MXD4: variants seen among roughly 807,000 people sequenced by gnomAD.
The protein encoded by MXD4 is MAX dimerization protein 4.
MXD4 carries 16 observed loss-of-function variants against 24.5 expected under a neutral mutation model. The observed-to-expected ratio is 0.65, with a 90% CI of 0.44 to 0.99. The LOEUF (loss-of-function observed/expected upper bound fraction) is 0.99. Ranked by LOEUF, MXD4 falls within the 50% of genes least tolerant of loss-of-function variation. The pLI is 0.00. For synonymous variants in MXD4, 164 were observed against 134.2 expected (o/e 1.22, Z -1.54); for missense variants, 301 against 301.5 (o/e 1.00, Z 0.01).
chr4:2,259,045 T>G (rs569194898), intron 2 of MXD4: 5 of 443,394 alleles, frequency 1.1e-5, no homozygotes, highest in South Asian at 7.9e-5. Flanking sequence ...CTCCCGGGCC[T>G]CCCAGGATGC....
At chr4:2,251,836 C>G (rs537627336) in intron 4 of MXD4, among the ~76,000 whole-genome samples, 1 of 152,330 alleles carries the variant, frequency 6.6e-6, no homozygotes, top group Non-Finnish European at 1.5e-5. Context: ...AAGAGGCCCT[C>G]AGAGCAGATA....
In MXD4 at chr4:2,249,970, G is replaced by C. The variant is rs113371605; in HGVS notation, c.*574C>G. 6.5e-6 allele frequency: 1 copy of C among 154,102 alleles called. No homozygotes were observed. The highest frequency in any genetic ancestry group is 1.9e-4 in the East Asian group (1 of 5,194). 9.5% of individuals were successfully genotyped at this position (154,102 alleles called of 1,614,324 possible). On this transcript the variant is annotated 3_prime_UTR_variant, in exon 6 of 6. Coordinates refer to ENST00000337190, the MANE Select transcript of MXD4 (RefSeq NM_006454.3). The stretch of plus-strand genomic sequence containing the variant: ...GCCTGGCCCCGAGAGCCCAGCCCTA[G>C]GTTCTGACACCTGCGAAGTGGGAAG...
chr4:2,250,841 G>T, intron 5 of MXD4, 140 bp from the exon 6 acceptor site: 1 of 1,249,996 alleles, frequency 8.0e-7, no homozygotes, highest in Non-Finnish European at 1.1e-6. Flanking sequence ...GCAGACGCCA[G>T]GAGGGCTCTG....
chr4:2,251,292 C>G, intron 4 of MXD4, 46 bp from the exon 5 acceptor site: 1 of 1,510,866 alleles, frequency 6.6e-7, no homozygotes, highest in African/African-American at 1.4e-5. Flanking sequence ...AGAGGAGTCC[C>G]CCCATCCCCC....
chr4:2,250,735 A>G (rs774288933), intron 5 of MXD4, 34 bp from the exon 6 acceptor site: 1 of 1,596,778 alleles, frequency 6.3e-7, no homozygotes, highest in East Asian at 2.2e-5. Context: ...GGGTCAGGCC[A>G]CTCTGAGGGT....
intron 5 of MXD4, 137 bp downstream of exon 5, chr4:2,250,947 A>C (rs1219406435): frequency 1.5e-5 from 19 of 1,228,600 alleles, no homozygotes; most frequent in Non-Finnish European, 2.0e-5. Context: ...CTTAGTGACA[A>C]ACACACACCC....
chr4:2,255,279 G>A (rs1469368263), intron 3 of MXD4: 1 of 455,924 alleles, frequency 2.2e-6, no homozygotes, highest in Non-Finnish European at 4.4e-6. Context: ...GCCTCTGAGT[G>A]CCTGGGATGC....
intron 5 of MXD4, 123 bp from the exon 6 acceptor site, chr4:2,250,824 T>C (rs1295846816): frequency 6.9e-6 from 9 of 1,308,178 alleles, no homozygotes; most frequent in Non-Finnish European, 9.3e-6. Flanking sequence ...GTCTGGGCCC[T>C]GGGGCAGCAG....
intron 3 of MXD4, among the ~76,000 whole-genome samples, chr4:2,255,629 T>A (rs1735409886): frequency 6.6e-6 from 1 of 151,922 alleles, no homozygotes; most frequent in Admixed American, 6.6e-5. Flanking sequence ...TGCAGTGCCC[T>A]GGGCCCCCTG....
At chr4:2,257,456 T>C (rs1274820897) in intron 3 of MXD4, among the ~76,000 whole-genome samples, 1 of 152,186 alleles carries the variant, frequency 6.6e-6, no homozygotes, top group Non-Finnish European at 1.5e-5. Context: ...GAGCTGAGCC[T>C]GCAGCCCTAG....
chr4:2,261,437 G>GGGGAGCGGGCGC (rs1735542168), intron 2 of MXD4, among the ~76,000 whole-genome samples: 1 of 152,170 alleles, frequency 6.6e-6, no homozygotes, highest in East Asian at 1.9e-4. Context: ...ACTCGGGGGC[G>GGGGAGCGGGCGC]GGGAGCGGGC....
In MXD4 at chr4:2,261,745, C is replaced by A; in HGVS notation, c.144G>T (p.Val48=). The part of the protein sequence containing the change: ...AREKTKAAGL[V]RKAPNNRSSH... ...GGTACCTGTTGTTCGGGGCCTTGCG[C>A]ACCAGGCCGGCCGCCTTTGTTTTCT... is the stretch of plus-strand genomic sequence containing the variant. Residue 48 remains valine (V), a synonymous_variant, in exon 2 of 6, where the codon GTG becomes GTT. Transcript: ENST00000337190. 1 of 1,421,150 alleles carries A rather than the reference C, an allele frequency of 7.0e-7. No homozygotes were observed. Among genetic ancestry groups the A allele is most frequent in the Non-Finnish European group, 9.3e-7 (1 of 1,080,206 alleles). 88.0% of individuals were successfully genotyped at this position (1,421,150 alleles called of 1,614,324 possible). A position where few individuals can be genotyped will look rare whatever the true frequency, so the allele number is the denominator to read the frequency against.
At chr4:2,259,440 C>T (rs1735494950) in intron 2 of MXD4, among the ~76,000 whole-genome samples, 1 of 152,358 alleles carries the variant, frequency 6.6e-6, no homozygotes, top group East Asian at 1.9e-4. Context: ...AGAGATAGGC[C>T]CCTACGCCAG....
At chr4:2,256,437 C>T (rs1224966399) in intron 3 of MXD4, among the ~76,000 whole-genome samples, 1 of 152,166 alleles carries the variant, frequency 6.6e-6, no homozygotes, top group Non-Finnish European at 1.5e-5. Flanking sequence ...CCGGGGATGG[C>T]TGGGTGGCCC....
At position 2,261,709 on chromosome 4, in the gene MXD4, GA is replaced by G; in HGVS notation, c.164+15del. On this transcript the variant is annotated intron_variant, in intron 2 of 5. Coordinates refer to ENST00000337190, the MANE Select transcript of MXD4 (RefSeq NM_006454.3). ...TTCGGACCGGGCCGGGCGGGGTCGG[GA>G]GCGGGGGGCGGTACCTGTTGTTCGG... 1.5e-6 allele frequency: 2 copies of G among 1,341,004 alleles called. No homozygotes were observed. The highest frequency in any genetic ancestry group is 1.9e-6 in the Non-Finnish European group (2 of 1,034,440). The allele number at this position is 1,341,004 out of a possible 1,614,324, so 83.1% of individuals were successfully genotyped here. A position where few individuals can be genotyped will look rare whatever the true frequency, so the allele number is the denominator to read the frequency against.
At chr4:2,259,981 A>G (rs1425321155) in intron 2 of MXD4, among the ~76,000 whole-genome samples, 2 of 152,178 alleles carry the variant, frequency 1.3e-5, no homozygotes, top group African/African-American at 4.8e-5. Context: ...CAGAGCATGG[A>G]AGCCTCACAG....
In MXD4 at chr4:2,261,778, G is replaced by C; in HGVS notation, c.111C>G (p.Phe37Leu). The C allele has an allele frequency of 7.0e-7, 1 of 1,431,204 alleles. No homozygotes were observed. The highest frequency in any genetic ancestry group is 3.1e-5 in the East Asian group (1 of 31,942). 88.7% of individuals were successfully genotyped at this position (1,431,204 alleles called of 1,614,324 possible). A position where few individuals can be genotyped will look rare whatever the true frequency, so the allele number is the denominator to read the frequency against. ...CGGCCGCCTTTGTTTTCTCCCTGGC[G>C]AAGTCGCCGTCGAAGGGCAGCACCG... ...YASVLPFDGD[F>L]AREKTKAAGL... Residue 37 changes from phenylalanine to leucine, a missense_variant, in exon 2 of 6, where the codon TTC (phenylalanine) becomes TTG (leucine). Coordinates refer to ENST00000337190, the MANE Select transcript of MXD4 (RefSeq NM_006454.3).
intron 2 of MXD4, chr4:2,258,772 G>C (rs150428309): frequency 1.0e-5 from 4 of 399,978 alleles, no homozygotes; most frequent in Middle Eastern, 6.2e-4. Flanking sequence ...TAGGCACAGG[G>C]GGACACTGAG....
chr4:2,255,437 T>TG lies in MXD4; in HGVS notation c.194+2544dup, dbSNP rs570633600. 536 of 455,426 alleles carry TG rather than the reference T, an allele frequency of 1.2e-3. 3 individuals carry two copies. Among genetic ancestry groups the TG allele is most frequent in the African/African-American group, 8.5e-3 (427 of 50,134 alleles). 28.2% of individuals were successfully genotyped at this position (455,426 alleles called of 1,614,324 possible). On this transcript the variant is annotated intron_variant, in intron 3 of 5. Coordinates refer to ENST00000337190, the MANE Select transcript of MXD4 (RefSeq NM_006454.3). ...AACAGGTCCACCTGGCCCAAGAGTGTGGGCGCCAGGGCTGGAGGCCACAGA... is the reference window on the plus strand; with the variant it reads ...AACAGGTCCACCTGGCCCAAGAGTGTGGGGCGCCAGGGCTGGAGGCCACAGA...
Sources: allele counts gnomAD v4.1 joint callset (sites outside exome capture counted in the v4.1 genomes callset), GRCh38; gene constraint gnomAD v4.1.1; transcripts MANE v1.5; gene names NCBI Gene and HGNC (gene_info 2026-07-23, HGNC 2026-07-21).